The following CPPED1 variants were observed in gnomAD, a reference collection of about 807,000 sequenced individuals.
CPPED1 encodes serine/threonine-protein phosphatase CPPED1.
CPPED1 carries 28 observed loss-of-function variants against 28.0 expected under a neutral mutation model. The observed-to-expected ratio is 1.00, with a 90% confidence interval of 0.74 to 1.37. The LOEUF (loss-of-function observed/expected upper bound fraction) is 1.37, where lower values mean the gene tolerates loss of function less well. Among genes scored for constraint, CPPED1 ranks in the 40% most tolerant of loss-of-function variants. The pLI, the probability that CPPED1 is intolerant of heterozygous loss-of-function variation, is 0.00. For synonymous variants in CPPED1, 198 were observed against 180.2 expected (o/e 1.10, Z -0.79); for missense variants, 504 against 416.5 (o/e 1.21, Z -1.83).
At chr16:12,724,894 C>T (rs896153832) in intron 2 of CPPED1, among the ~76,000 whole-genome samples, 33 of 151,936 alleles carry the variant, frequency 2.2e-4, no homozygotes, top group African/African-American at 7.7e-4. Flanking sequence ...TCACGCCATT[C>T]TCCTGCCTCA....
chr16:12,718,538 T>TAAAAAAA (rs61306353), intron 2 of CPPED1, among the ~76,000 whole-genome samples: 3 of 117,782 alleles, frequency 2.5e-5, no homozygotes, highest in Non-Finnish European at 5.1e-5. Context: ...GACTCTGTCT[T>TAAAAAAA]AAAAAAAAAA....
intron 1 of CPPED1, among the ~76,000 whole-genome samples, chr16:12,796,564 G>C (rs554885306): frequency 6.6e-6 from 1 of 152,268 alleles, no homozygotes; most frequent in Non-Finnish European, 1.5e-5. Flanking sequence ...TAATAAAAAA[G>C]AGTGGCAATA....
chr16:12,673,835 C>A (rs1307025395), intron 3 of CPPED1, among the ~76,000 whole-genome samples: 1 of 152,054 alleles, frequency 6.6e-6, no homozygotes. Context: ...TCGCTTGGGG[C>A]CAGGAGTTGG....
At chr16:12,795,111 C>T (rs761905252) in intron 1 of CPPED1, among the ~76,000 whole-genome samples, 2 of 152,264 alleles carry the variant, frequency 1.3e-5, no homozygotes, top group South Asian at 2.1e-4. Flanking sequence ...AGACAGCAGG[C>T]AGCTGCTGTC....
chr16:12,771,877 C>T (rs2080472132), intron 2 of CPPED1, among the ~76,000 whole-genome samples: 1 of 152,178 alleles, frequency 6.6e-6, no homozygotes, highest in Non-Finnish European at 1.5e-5. Flanking sequence ...AATCCCAGAA[C>T]TTTGGGAGGC....
intron 2 of CPPED1, among the ~76,000 whole-genome samples, chr16:12,772,560 A>G (rs1489008382): frequency 6.6e-6 from 1 of 152,210 alleles, no homozygotes; most frequent in East Asian, 1.9e-4. Flanking sequence ...TCTAAATTCA[A>G]TTCCATTTTC....
intron 2 of CPPED1, among the ~76,000 whole-genome samples, chr16:12,763,951 C>A (rs2080424573): frequency 6.6e-6 from 1 of 151,146 alleles, no homozygotes; most frequent in South Asian, 2.1e-4. Context: ...AAAAGTGAAA[C>A]AAATCTGCAT....
chr16:12,792,418 A>G (rs1008880876), intron 1 of CPPED1, among the ~76,000 whole-genome samples: 1 of 152,178 alleles, frequency 6.6e-6, no homozygotes, highest in Non-Finnish European at 1.5e-5. Flanking sequence ...ATGCTGCTAA[A>G]CATCTCATAA....
intron 3 of CPPED1, among the ~76,000 whole-genome samples, chr16:12,681,565 T>A (rs2079905072): frequency 2.0e-5 from 3 of 152,184 alleles, no homozygotes; most frequent in Admixed American, 1.3e-4. Context: ...AAAATTATAT[T>A]CTTCCCTTTT....
At chr16:12,789,509 A>G (rs2141243684) in intron 1 of CPPED1, among the ~76,000 whole-genome samples, 1 of 152,170 alleles carries the variant, frequency 6.6e-6, no homozygotes, top group East Asian at 1.9e-4. Context: ...GCCAGGAAAA[A>G]AGAAAAATAA....
At chr16:12,681,238 G>C (rs1358960631) in intron 3 of CPPED1, among the ~76,000 whole-genome samples, 1 of 151,818 alleles carries the variant, frequency 6.6e-6, no homozygotes, top group Non-Finnish European at 1.5e-5. Flanking sequence ...ACCTTTAAGA[G>C]ATGATTAGGT....
intron 1 of CPPED1, among the ~76,000 whole-genome samples, chr16:12,796,923 T>C (rs936768286): frequency 1.2e-4 from 19 of 152,070 alleles, no homozygotes; most frequent in Non-Finnish European, 2.9e-5. Flanking sequence ...TATCATTTAG[T>C]AAAAAGGAAC....
intron 3 of CPPED1, among the ~76,000 whole-genome samples, chr16:12,681,890 T>C (rs1263139818): frequency 1.3e-5 from 2 of 152,080 alleles, no homozygotes; most frequent in Non-Finnish European, 2.9e-5. Flanking sequence ...AAGAGCAGAA[T>C]TGGGAAATAA....
chr16:12,752,442 G>GC (rs1186278948), intron 2 of CPPED1, among the ~76,000 whole-genome samples: 1 of 151,884 alleles, frequency 6.6e-6, no homozygotes, highest in Non-Finnish European at 1.5e-5. Context: ...CTCTCTAACG[G>GC]CCTTCTGTTC....
intron 2 of CPPED1, among the ~76,000 whole-genome samples, chr16:12,718,464 G>C (rs1426321902): frequency 1.3e-5 from 2 of 151,188 alleles, no homozygotes; most frequent in Non-Finnish European, 2.9e-5. Flanking sequence ...ACTTGAACCT[G>C]GGAGGCCGAG....
chr16:12,718,103 GGAAGA>G (rs890344817), intron 2 of CPPED1, among the ~76,000 whole-genome samples: 1 of 152,182 alleles, frequency 6.6e-6, no homozygotes, highest in Non-Finnish European at 1.5e-5. Flanking sequence ...CTCTGTCAGG[GGAAGA>G]GAAGAGAGCT....
intron 2 of CPPED1, among the ~76,000 whole-genome samples, chr16:12,755,809 G>A (rs537835761): frequency 5.1e-4 from 78 of 152,288 alleles, no homozygotes; most frequent in African/African-American, 1.8e-3. Context: ...TGGCAGGGGC[G>A]TGGTGGGGGC....
chr16:12,736,567 T>G (rs1359721708), intron 2 of CPPED1, among the ~76,000 whole-genome samples: 2 of 152,114 alleles, frequency 1.3e-5, no homozygotes, highest in Non-Finnish European at 2.9e-5. Flanking sequence ...GTCTGGAAAC[T>G]TCTAGCTGTT....
chr16:12,704,704 C>T lies in CPPED1; in HGVS notation c.635G>A (p.Ser212Asn), dbSNP rs765757532. Residue 212 changes from serine (S) to asparagine (N), a missense_variant, in exon 3 of 4, where the codon AGC becomes AAC. Ser to Asn is a conservative substitution (Grantham distance 46, BLOSUM62 1). Coordinates refer to ENST00000381774, the MANE Select transcript of CPPED1 (RefSeq NM_018340.3). The stretch of plus-strand genomic sequence containing the variant: ...GTAGTAGTCGTCGTCCTCGTCGATG[C>T]TCTCCAGGAACAGCGGGATGTGCTG... ...VFQHIPLFLE[S>N]IDEDDDYYFN... 2 of 1,614,250 alleles carry T rather than the reference C, an allele frequency of 1.2e-6. No individual in the cohort carries two copies. Among genetic ancestry groups the T allele is most frequent in the Admixed American group, 1.7e-5 (1 of 60,022 alleles).
Sources: allele counts gnomAD v4.1 joint callset (sites outside exome capture counted in the v4.1 genomes callset), GRCh38; gene constraint gnomAD v4.1.1; transcripts MANE v1.5; gene names NCBI Gene and HGNC (gene_info 2026-07-23, HGNC 2026-07-21).